UST: variants seen among roughly 807,000 people sequenced by gnomAD.
UST encodes the protein uronyl 2-sulfotransferase.
UST carries 21 observed loss-of-function variants against 45.6 expected under a neutral mutation model. That is an observed-to-expected ratio of 0.46 (90% CI 0.33 to 0.66). The LOEUF (loss-of-function observed/expected upper bound fraction) is 0.66, where lower values mean the gene tolerates loss of function less well. UST is among the 30% of genes least tolerant of loss of function. The pLI, the probability that UST is intolerant of heterozygous loss-of-function variation, is 0.02. For missense variants in UST, 463 were observed against 512.4 expected, an observed-to-expected ratio of 0.90 and a Z score of 0.93; for synonymous variants, 215 against 200.6, an observed-to-expected ratio of 1.07 and a Z score of -0.61.
At chr6:149,054,594 T>C (rs759259978) in intron 7 of UST, among the ~76,000 whole-genome samples, 7 of 152,134 alleles carry the variant, frequency 4.6e-5, no homozygotes, top group Non-Finnish European at 8.8e-5. Flanking sequence ...GGGCAGGCAT[T>C]TAGTAGATTA....
chr6:149,036,032 G>C (rs757631691), intron 7 of UST, among the ~76,000 whole-genome samples: 3 of 152,204 alleles, frequency 2.0e-5, no homozygotes, highest in Non-Finnish European at 2.9e-5. Context: ...GGGAACAGGC[G>C]CTGAAGGTTC....
intron 2 of UST, among the ~76,000 whole-genome samples, chr6:148,892,909 G>A (rs1219470268): frequency 9.2e-5 from 14 of 152,132 alleles, no homozygotes; most frequent in Admixed American, 9.2e-4. Context: ...TAAACGGTCT[G>A]CTGGACCCAT....
intron 1 of UST, among the ~76,000 whole-genome samples, chr6:148,854,485 TACATTCTCAG>T (rs1778164775): frequency 6.6e-6 from 1 of 152,258 alleles, no homozygotes; most frequent in Non-Finnish European, 1.5e-5. Context: ...CATATTTACT[TACATTCTCAG>T]CATTACAGTA....
chr6:148,939,804 T>C (rs949439569), intron 2 of UST, among the ~76,000 whole-genome samples: 1 of 152,166 alleles, frequency 6.6e-6, no homozygotes, highest in Non-Finnish European at 1.5e-5. Context: ...GATCTTAGAT[T>C]AGGCAATAGT....
rs148337974 is a variant in UST, at chr6:148,761,512, C to G, written c.247+13835C>G. ...TTCTGCTTTAGTGTCAGAATTCATC[C>G]GACAACGTGCCAAAAAAAAAAAAAG... On this transcript the variant is annotated intron_variant, in intron 1 of 7. Transcript: ENST00000367463. Among the ~76,000 whole-genome samples the G allele has an allele frequency of 9.0e-4, 125 of 138,436 alleles. 1 individual carries two copies. The highest frequency in any genetic ancestry group is 1.7e-3 in the Non-Finnish European group (109 of 64,186). 90.8% of individuals were successfully genotyped at this position (138,436 alleles called of 152,430 possible).
intron 1 of UST, among the ~76,000 whole-genome samples, chr6:148,759,403 T>A (rs988758522): frequency 6.6e-6 from 1 of 151,652 alleles, no homozygotes. Context: ...CGCGGGCGCC[T>A]GTAGTCCCAG....
At chr6:149,024,777 T>A (rs1283029469) in intron 7 of UST, among the ~76,000 whole-genome samples, 5 of 152,208 alleles carry the variant, frequency 3.3e-5, no homozygotes, top group African/African-American at 1.2e-4. Context: ...GTTTGATAAC[T>A]GAGTAGATTA....
intron 1 of UST, among the ~76,000 whole-genome samples, chr6:148,826,198 C>T (rs899316159): frequency 3.3e-5 from 5 of 152,336 alleles, no homozygotes; most frequent in African/African-American, 7.2e-5. Flanking sequence ...CTGCAGCCTC[C>T]GCCTCCCAGG....
At chr6:149,038,620 T>C (rs1776268704) in intron 7 of UST, among the ~76,000 whole-genome samples, 1 of 152,196 alleles carries the variant, frequency 6.6e-6, no homozygotes, top group Admixed American at 6.5e-5. Flanking sequence ...GGCAACTTGT[T>C]ATCATAGGAA....
intron 2 of UST, among the ~76,000 whole-genome samples, chr6:148,891,581 A>G (rs1779019233): frequency 6.6e-6 from 1 of 152,108 alleles, no homozygotes; most frequent in South Asian, 2.1e-4. Context: ...TCACACACTA[A>G]GTAAGCATTG....
chr6:148,778,206 G>A lies in UST; in HGVS notation c.247+30529G>A, dbSNP rs181749279. On this transcript the variant is annotated intron_variant, in intron 1 of 7. Coordinates refer to ENST00000367463, the MANE Select transcript of UST (RefSeq NM_005715.3). The stretch of plus-strand genomic sequence containing the variant: ...CCTTAGCTATAAGAATAGAGGTATA[G>A]CCTCCTTTCCCATAAGGATTTCCTG... 2.5e-3 allele frequency among the ~76,000 whole-genome samples: 386 copies of A among 152,306 alleles called. 3 individuals are homozygous for A. The highest frequency in any genetic ancestry group is 9.0e-3 in the African/African-American group (376 of 41,554).
At chr6:148,890,036 A>C (rs963897962) in intron 2 of UST, among the ~76,000 whole-genome samples, 1 of 152,170 alleles carries the variant, frequency 6.6e-6, no homozygotes, top group Admixed American at 6.5e-5. Context: ...GAAAATTGGG[A>C]GCATAATCTC....
At chr6:148,982,383 A>G (rs1562320252) in intron 5 of UST, among the ~76,000 whole-genome samples, 1 of 152,064 alleles carries the variant, frequency 6.6e-6, no homozygotes, top group Non-Finnish European at 1.5e-5. Flanking sequence ...ACTGGCATGA[A>G]CCACTGCACC....
At chr6:148,799,671 C>A (rs1398435386) in intron 1 of UST, among the ~76,000 whole-genome samples, 2 of 152,122 alleles carry the variant, frequency 1.3e-5, no homozygotes, top group Admixed American at 1.3e-4. Flanking sequence ...CCCTTTTTCT[C>A]TTTTTTTCTT....
intron 5 of UST, among the ~76,000 whole-genome samples, chr6:148,998,740 G>A (rs948690268): frequency 6.6e-6 from 1 of 152,238 alleles, no homozygotes; most frequent in African/African-American, 2.4e-5. Context: ...GTCAATATTA[G>A]AAGGATAGAT....
chr6:148,992,572 C>A (rs1183199750), intron 5 of UST, among the ~76,000 whole-genome samples: 2 of 152,150 alleles, frequency 1.3e-5, no homozygotes, highest in Non-Finnish European at 2.9e-5. Flanking sequence ...ATACAGATTC[C>A]TTTAAGCATT....
chr6:149,046,302 C>A (rs753617291), intron 7 of UST, among the ~76,000 whole-genome samples: 1 of 152,176 alleles, frequency 6.6e-6, no homozygotes, highest in Non-Finnish European at 1.5e-5. Context: ...TAAGTTGGTC[C>A]CAAAACCAGT....
intron 3 of UST, among the ~76,000 whole-genome samples, chr6:148,942,639 A>G (rs1258295948): frequency 6.6e-6 from 1 of 152,192 alleles, no homozygotes; most frequent in Non-Finnish European, 1.5e-5. Flanking sequence ...CATAATCTCC[A>G]GCTTTGAAAC....
chr6:148,884,172 A>G (rs1778872799), intron 1 of UST, among the ~76,000 whole-genome samples: 1 of 151,520 alleles, frequency 6.6e-6, no homozygotes, highest in African/African-American at 2.4e-5. Flanking sequence ...TTGGCTAAGG[A>G]GCAAACTGGG....
Sources: gnomAD v4.1 joint callset for allele counts (sites outside exome capture counted in the v4.1 genomes callset) on GRCh38, gnomAD v4.1.1 for gene constraint, MANE v1.5 for transcripts, NCBI Gene and HGNC (gene_info 2026-07-23, HGNC 2026-07-21) for gene names.